The following CEP128 variants were observed in gnomAD, a reference collection of about 807,000 sequenced individuals.
CEP128 encodes the protein centrosomal protein 128kDa.
Under a neutral mutation model 156.7 loss-of-function variants are expected in CEP128, and 132 were observed. The observed-to-expected ratio is 0.84, with a 90% CI of 0.73 to 0.97. The LOEUF is 0.97. Among genes scored for constraint, CEP128 ranks in the 50% least tolerant of loss-of-function variants. The pLI is 0.00. For missense variants in CEP128, 1,252 were observed against 1,281.9 expected, an observed-to-expected ratio of 0.98 and a Z score of 0.36; for synonymous variants, 469 against 448.9, an observed-to-expected ratio of 1.04 and a Z score of -0.57.
At chr14:80,895,260 C>A (rs893387512) in intron 8 of CEP128, among the ~76,000 whole-genome samples, 2 of 152,020 alleles carry the variant, frequency 1.3e-5, no homozygotes, top group Non-Finnish European at 2.9e-5. Context: ...CAGACAAAAA[C>A]AGACAGCAAA....
At chr14:80,725,094 G>T (rs539745388) in intron 19 of CEP128, among the ~76,000 whole-genome samples, 115 of 149,114 alleles carry the variant, frequency 7.7e-4, no homozygotes, top group African/African-American at 2.7e-3. Context: ...TACACCATGG[G>T]TGTCTTATTT....
At chr14:80,675,291 T>C (rs1181193957) in intron 19 of CEP128, among the ~76,000 whole-genome samples, 10 of 152,084 alleles carry the variant, frequency 6.6e-5, no homozygotes, top group Non-Finnish European at 1.5e-4. Context: ...GTTAGACACA[T>C]GCAACAGATT....
intron 24 of CEP128, among the ~76,000 whole-genome samples, chr14:80,500,255 C>T (rs1183160550): frequency 6.6e-6 from 1 of 152,200 alleles, no homozygotes; most frequent in South Asian, 2.1e-4. Context: ...CACAGTTTGA[C>T]AGGGCATCTA....
intron 19 of CEP128, among the ~76,000 whole-genome samples, chr14:80,685,239 T>C (rs1166406046): frequency 2.0e-5 from 3 of 152,078 alleles, no homozygotes; most frequent in Non-Finnish European, 2.9e-5. Context: ...GATAAACCAC[T>C]TGAGTAAAGT....
At chr14:80,937,446 A>T (rs953298870) in intron 2 of CEP128, among the ~76,000 whole-genome samples, 1 of 152,128 alleles carries the variant, frequency 6.6e-6, no homozygotes, top group East Asian at 1.9e-4. Flanking sequence ...CACTGTAGAA[A>T]TTCTTCAGAA....
At chr14:80,880,256 A>G (rs1187282700) in intron 8 of CEP128, among the ~76,000 whole-genome samples, 1 of 152,176 alleles carries the variant, frequency 6.6e-6, no homozygotes, top group Non-Finnish European at 1.5e-5. Flanking sequence ...AAGAAAAAAA[A>G]AAGCATTTAT....
intron 19 of CEP128, among the ~76,000 whole-genome samples, chr14:80,720,836 T>A (rs1333139449): frequency 2.0e-5 from 3 of 152,192 alleles, no homozygotes; most frequent in Non-Finnish European, 4.4e-5. Context: ...CTAGCCTCTA[T>A]ATTCTAAACC....
intron 19 of CEP128, among the ~76,000 whole-genome samples, chr14:80,730,146 A>C (rs549890033): frequency 6.6e-6 from 1 of 152,328 alleles, no homozygotes; most frequent in South Asian, 2.1e-4. Flanking sequence ...AAAAATAAGA[A>C]AATTAATTTC....
chr14:80,571,598 G>A (rs937766274), intron 20 of CEP128, among the ~76,000 whole-genome samples: 2 of 152,084 alleles, frequency 1.3e-5, no homozygotes, highest in Non-Finnish European at 2.9e-5. Context: ...AAGTATAAGA[G>A]GAGATGCTTA....
At position 80,914,402 on chromosome 14, in the gene CEP128, T is replaced by C; in HGVS notation, c.154A>G (p.Ser52Gly). The change falls in exon 4 of 25, where the codon AGT becomes GGT. Residue 52 changes from serine to glycine, a missense_variant. By Grantham distance (56) the Ser-to-Gly change is moderately conservative. Transcript: ENST00000555265. Reference sequence around the variant, plus strand: ...TGGTCCACTTGTCGCAGGTTCCGACTGGTATCCTTGAGAAAGAAAATGGAC... The same window carrying C: ...TGGTCCACTTGTCGCAGGTTCCGACCGGTATCCTTGAGAAAGAAAATGGAC... The part of the protein sequence containing the change: ...NTITSTLQDT[S>G]RNLRQVDQML... The C allele has an allele frequency of 1.2e-6, 2 of 1,612,892 alleles. No homozygotes were observed. Among genetic ancestry groups the C allele is most frequent in the Non-Finnish European group, 1.7e-6 (2 of 1,178,920 alleles).
At chr14:80,759,482 C>T (rs1056895365) in intron 17 of CEP128, among the ~76,000 whole-genome samples, 1 of 152,150 alleles carries the variant, frequency 6.6e-6, no homozygotes, top group African/African-American at 2.4e-5. Flanking sequence ...CTTTACCACA[C>T]CCCTGGGTGG....
intron 2 of CEP128, among the ~76,000 whole-genome samples, chr14:80,937,869 C>T (rs930724680): frequency 4.0e-5 from 6 of 151,530 alleles, no homozygotes; most frequent in Non-Finnish European, 5.9e-5. Flanking sequence ...ATAGGTCCCC[C>T]ATCCAGCTCT....
In CEP128 at chr14:80,668,995, G is replaced by A. The variant is rs563375321; in HGVS notation, c.2806+74080C>T. ...GAGGCCTCCCCAGCCATGCAGAGCT[G>A]TGAGTCAATTAAACCTCTTTTCTTT... On this transcript the variant is annotated intron_variant, in intron 19 of 24. Coordinates refer to ENST00000555265, the MANE Select transcript of CEP128 (RefSeq NM_152446.5). Among the ~76,000 whole-genome samples, 328 of 152,292 alleles carry A rather than the reference G, an allele frequency of 2.2e-3. 2 individuals carry two copies. The highest frequency in any genetic ancestry group is 6.8e-3 in the Middle Eastern group (2 of 292).
intron 23 of CEP128, among the ~76,000 whole-genome samples, chr14:80,514,410 AT>A (rs529317284): frequency 0.021 from 2,970 of 144,732 alleles, 41 homozygotes; most frequent in African/African-American, 0.042. Flanking sequence ...GTACTTCATT[AT>A]TTTTTTTTTT....
chr14:80,523,768 T>C (rs1315548132), intron 23 of CEP128, among the ~76,000 whole-genome samples: 1 of 152,186 alleles, frequency 6.6e-6, no homozygotes, highest in Non-Finnish European at 1.5e-5. Flanking sequence ...ATCTATTTGA[T>C]TGGCAAATAC....
intron 13 of CEP128, chr14:80,830,536 CT>C: frequency 4.2e-6 from 1 of 235,880 alleles, no homozygotes; most frequent in Non-Finnish European, 8.2e-6. Context: ...TTTATGAGGT[CT>C]TTTCCTTTGA....
chr14:80,511,951 T>A (rs575763059), intron 23 of CEP128, among the ~76,000 whole-genome samples: 16 of 152,102 alleles, frequency 1.1e-4, no homozygotes, highest in Admixed American at 5.2e-4. Context: ...ACTTGGTTTT[T>A]CAATTTTTTT....
At chr14:80,706,543 T>G (rs1438109404) in intron 19 of CEP128, among the ~76,000 whole-genome samples, 1 of 152,096 alleles carries the variant, frequency 6.6e-6, no homozygotes, top group Non-Finnish European at 1.5e-5. Context: ...TGTTGCCCTA[T>G]TAGTAAGCTG....
At chr14:80,946,210 C>G, upstream of CEP128, among the ~76,000 whole-genome samples, 1 of 151,994 alleles carries the variant, frequency 6.6e-6, no homozygotes, top group East Asian at 1.9e-4. Flanking sequence ...TATATGTAGG[C>G]TGACAAATAC....
Sources: gnomAD v4.1 joint callset for allele counts (sites outside exome capture counted in the v4.1 genomes callset) on GRCh38, gnomAD v4.1.1 for gene constraint, MANE v1.5 for transcripts, NCBI Gene and HGNC (gene_info 2026-07-23, HGNC 2026-07-21) for gene names.